The following SLC5A8 variants were observed in gnomAD, a reference collection of about 807,000 sequenced individuals.
SLC5A8 encodes solute carrier family 5 member 8.
A neutral mutation model predicts 71.9 loss-of-function variants in SLC5A8; 55 were observed. That is an observed-to-expected ratio of 0.77 (90% confidence interval 0.62 to 0.96). SLC5A8 has a LOEUF of 0.96. Among genes scored for constraint, SLC5A8 ranks in the 40% least tolerant of loss-of-function variants. The pLI, the probability that SLC5A8 is intolerant of heterozygous loss-of-function variation, is 0.00. For missense variants in SLC5A8, 701 were observed against 745.3 expected (o/e 0.94, Z 0.69); for synonymous variants, 307 against 276.1 (o/e 1.11, Z -1.11).
At chr12:101,167,988 G>C (rs2051789033) in intron 11 of SLC5A8, 108 bp downstream of exon 11, 2 of 1,035,836 alleles carry the variant, frequency 1.9e-6, no homozygotes, top group Non-Finnish European at 2.9e-6. Context: ...AAGTCATCAA[G>C]ACAAGTAGCT....
intron 14 of SLC5A8, 23 bp from the exon 15 acceptor site, chr12:101,157,424 T>G: frequency 6.4e-7 from 1 of 1,559,716 alleles, no homozygotes; most frequent in Non-Finnish European, 8.7e-7. Flanking sequence ...GTTAACATGG[T>G]GATTAGGGGG....
chr12:101,178,220 T>C (rs1194381823), intron 10 of SLC5A8, among the ~76,000 whole-genome samples: 3 of 152,170 alleles, frequency 2.0e-5, no homozygotes, highest in Non-Finnish European at 4.4e-5. Flanking sequence ...GGTAAAGATG[T>C]CATTTCTTCT....
intron 11 of SLC5A8, among the ~76,000 whole-genome samples, 162 bp from the exon 12 acceptor site, chr12:101,166,861 A>G (rs2051777092): frequency 6.6e-6 from 1 of 152,212 alleles, no homozygotes; most frequent in Admixed American, 6.5e-5. Context: ...GCCCATAAAA[A>G]TCTATTGAAT....
chr12:101,184,987 G>C (rs1786626984), intron 7 of SLC5A8, among the ~76,000 whole-genome samples: 1 of 152,204 alleles, frequency 6.6e-6, no homozygotes, highest in African/African-American at 2.4e-5. Context: ...TTCTCGAAGA[G>C]TGTCCTCTCA....
chr12:101,161,235 C>T (rs146698584), intron 13 of SLC5A8, among the ~76,000 whole-genome samples: 3 of 152,224 alleles, frequency 2.0e-5, no homozygotes, highest in African/African-American at 4.8e-5. Flanking sequence ...CTTTTGTCTA[C>T]TCTTTCTTGA....
intron 13 of SLC5A8, among the ~76,000 whole-genome samples, chr12:101,158,620 A>ATATATATAT (rs2051697064): frequency 7.8e-6 from 1 of 128,108 alleles, no homozygotes; most frequent in African/African-American, 2.8e-5. Context: ...ATATATATAT[A>ATATATATAT]TATATATATA....
intron 2 of SLC5A8, among the ~76,000 whole-genome samples, chr12:101,202,695 A>G (rs1869510047): frequency 6.6e-6 from 1 of 152,114 alleles, no homozygotes; most frequent in Non-Finnish European, 1.5e-5. Context: ...CAAAAGTATA[A>G]ATTTGCACTA....
chr12:101,189,037 G>T (rs137920056), intron 6 of SLC5A8, among the ~76,000 whole-genome samples: 1 of 152,096 alleles, frequency 6.6e-6, no homozygotes, highest in Non-Finnish European at 1.5e-5. Context: ...CCTGGGTTTC[G>T]AGAGTCTGCT....
At chr12:101,177,466 C>CACACAT (rs1312736217) in intron 10 of SLC5A8, among the ~76,000 whole-genome samples, 15 of 151,718 alleles carry the variant, frequency 9.9e-5, no homozygotes, top group African/African-American at 3.6e-4. Flanking sequence ...CACACACACA[C>CACACAT]ACACACACAC....
At chr12:101,190,738 A>G in intron 5 of SLC5A8, 130 bp from the exon 6 acceptor site, 2 of 635,684 alleles carry the variant, frequency 3.1e-6, no homozygotes, top group Non-Finnish European at 4.6e-6. Flanking sequence ...GTAAAAATTT[A>G]TTAATTAATT....
At position 101,156,486 on chromosome 12, in the gene SLC5A8, C is replaced by T. The variant is rs1361664848; in HGVS notation, c.*793G>A. 1 of 151,986 alleles carries T rather than the reference C, an allele frequency of 6.6e-6. No individual in the cohort carries two copies. The highest frequency in any genetic ancestry group is 1.5e-5 in the Non-Finnish European group (1 of 67,998). The allele number at this position is 151,986 out of a possible 1,614,324, so 9.4% of individuals were successfully genotyped here. On this transcript the variant is annotated 3_prime_UTR_variant, in exon 15 of 15. Transcript: ENST00000536262. ...TCTTGAGACATATCCAAGCCCAGGG[C>T]AATAAACAGAAAATTATGAAGACAA...
intron 2 of SLC5A8, among the ~76,000 whole-genome samples, chr12:101,204,216 G>A (rs577808295): frequency 1.3e-5 from 2 of 152,340 alleles, no homozygotes; most frequent in East Asian, 3.9e-4. Context: ...TGGTGGAGGT[G>A]AAGGGAGGTC....
chr12:101,187,292 C>CG, intron 7 of SLC5A8, 94 bp downstream of exon 7: 1 of 1,352,370 alleles, frequency 7.4e-7, no homozygotes, highest in Non-Finnish European at 9.8e-7. Context: ...GTCCACTTTC[C>CG]GTTTCTCTAC....
At chr12:101,168,873 C>T (rs922934582) in intron 10 of SLC5A8, among the ~76,000 whole-genome samples, 4 of 152,086 alleles carry the variant, frequency 2.6e-5, no homozygotes, top group African/African-American at 9.7e-5. Flanking sequence ...ATGGACACAA[C>T]CATAAAAGAA....
intron 2 of SLC5A8, among the ~76,000 whole-genome samples, chr12:101,203,628 T>G (rs1277573559): frequency 6.6e-6 from 1 of 152,230 alleles, no homozygotes; most frequent in African/African-American, 2.4e-5. Context: ...ATTACAGGCA[T>G]GAGCCACCGC....
At chr12:101,180,231 C>T in intron 9 of SLC5A8, 135 bp from the exon 10 acceptor site, 2 of 878,344 alleles carry the variant, frequency 2.3e-6, no homozygotes, top group Non-Finnish European at 3.7e-6. Context: ...ACATCAGAGC[C>T]AGTGAATAAA....
chr12:101,159,756 G>A (rs1187663454), intron 13 of SLC5A8, among the ~76,000 whole-genome samples: 1 of 152,152 alleles, frequency 6.6e-6, no homozygotes, highest in South Asian at 2.1e-4. Flanking sequence ...GTATTCAAAG[G>A]AGCTACTCTG....
intron 10 of SLC5A8, among the ~76,000 whole-genome samples, chr12:101,179,531 A>G (rs1237407657): frequency 6.6e-6 from 1 of 152,220 alleles, no homozygotes; most frequent in Non-Finnish European, 1.5e-5. Context: ...ATGCCAAGTG[A>G]AAAAGGTTAC....
chr12:101,188,395 T>C (rs1188554693), intron 6 of SLC5A8, among the ~76,000 whole-genome samples: 1 of 152,176 alleles, frequency 6.6e-6, no homozygotes, highest in Non-Finnish European at 1.5e-5. Context: ...GGTGCTGTAG[T>C]GGACAGTGAT....
Sources: gnomAD v4.1 joint callset for allele counts (sites outside exome capture counted in the v4.1 genomes callset) on GRCh38, gnomAD v4.1.1 for gene constraint, MANE v1.5 for transcripts, NCBI Gene and HGNC (gene_info 2026-07-23, HGNC 2026-07-21) for gene names.